TNRC6A: variants seen among roughly 807,000 people sequenced by gnomAD.
TNRC6A encodes the protein trinucleotide repeat containing adaptor 6A.
A neutral mutation model predicts 221.2 loss-of-function variants in TNRC6A; 44 were observed. The ratio of observed to expected loss-of-function variants is 0.20; its 90% CI spans 0.16 to 0.26. The LOEUF (loss-of-function observed/expected upper bound fraction) is 0.26, where lower values mean the gene tolerates loss of function less well. TNRC6A is among the 10% of genes least tolerant of loss of function. The pLI, the probability that TNRC6A is intolerant of heterozygous loss-of-function variation, is 1.00. For missense variants in TNRC6A, 2,199 were observed against 2,404.4 expected (o/e 0.91, Z 1.79); for synonymous variants, 847 against 838.5 (o/e 1.01, Z -0.18).
At chr16:24,822,731 G>GCAA (rs2152118682) in intron 23 of TNRC6A, 143 bp from the exon 24 acceptor site, 4 of 1,179,642 alleles carry the variant, frequency 3.4e-6, no homozygotes, top group Non-Finnish European at 4.7e-6. Flanking sequence ...CCCCGTCAGA[G>GCAA]CAACGTCAGA....
chr16:24,746,201 T>G (rs1408338960), intron 2 of TNRC6A, among the ~76,000 whole-genome samples: 3 of 152,170 alleles, frequency 2.0e-5, no homozygotes, highest in Non-Finnish European at 4.4e-5. Context: ...TGTTTGCTTG[T>G]TTTCTTATTT....
intron 2 of TNRC6A, among the ~76,000 whole-genome samples, chr16:24,668,765 A>G (rs548857560): frequency 5.3e-5 from 8 of 152,310 alleles, no homozygotes; most frequent in African/African-American, 1.9e-4. Flanking sequence ...ATGTCATTGA[A>G]TTACTCAGTG....
chr16:24,792,235 T>C (rs2058117980), intron 6 of TNRC6A, among the ~76,000 whole-genome samples: 1 of 152,158 alleles, frequency 6.6e-6, no homozygotes, highest in African/African-American at 2.4e-5. Flanking sequence ...TTTTTTTAAG[T>C]AGGTGAGAAA....
chr16:24,660,555 G>T (rs2055006225), intron 2 of TNRC6A, among the ~76,000 whole-genome samples: 2 of 151,766 alleles, frequency 1.3e-5, no homozygotes, highest in East Asian at 1.9e-4. Context: ...ATAAACATGC[G>T]TGTGCAAGTT....
intron 11 of TNRC6A, 193 bp downstream of exon 11, chr16:24,798,159 T>C (rs1567494586): frequency 2.4e-6 from 1 of 421,560 alleles, no homozygotes; most frequent in Non-Finnish European, 4.2e-6. Context: ...AGTGGTGATA[T>C]TAGTCTGATT....
At chr16:24,751,378 G>T (rs941851596) in intron 3 of TNRC6A, among the ~76,000 whole-genome samples, 1 of 152,046 alleles carries the variant, frequency 6.6e-6, no homozygotes, top group African/African-American at 2.4e-5. Context: ...AGTGTGCAGT[G>T]TACATTAGCC....
At chr16:24,675,678 CTCTCTCTCTCTCTCTCTCTCTCTCTA>C (rs2055396740) in intron 2 of TNRC6A, among the ~76,000 whole-genome samples, 1 of 75,750 alleles carries the variant, frequency 1.3e-5, no homozygotes, top group Non-Finnish European at 2.5e-5. Flanking sequence ...CTCTCTCTCT[CTCTCTCTCTCTCTCTCTCTCTCTCTA>C]TATATATATA....
intron 1 of TNRC6A, among the ~76,000 whole-genome samples, chr16:24,618,525 T>C (rs560143881): frequency 6.6e-6 from 1 of 152,048 alleles, no homozygotes; most frequent in Non-Finnish European, 1.5e-5. Context: ...ACAACAGCAG[T>C]GTGATTATAT....
At chr16:24,728,901 C>T (rs1160268141), upstream of TNRC6A, among the ~76,000 whole-genome samples, 1 of 151,870 alleles carries the variant, frequency 6.6e-6, no homozygotes, top group African/African-American at 2.4e-5. Flanking sequence ...TCCTCCATGC[C>T]GGGATTATTC....
chr16:24,825,048 T>C lies in TNRC6A; in HGVS notation c.*1241T>C, dbSNP rs1212555989. On this transcript the variant is annotated 3_prime_UTR_variant, in exon 25 of 25. Coordinates refer to ENST00000395799, the MANE Select transcript of TNRC6A (RefSeq NM_014494.4). ...TTCTGCTCTCTCGTGACTGTGTTAA[T>C]GTTTAACTGTTGTACCTTAAAGCCG... 1 of 152,660 alleles carries C rather than the reference T, an allele frequency of 6.6e-6. No homozygotes were observed. Among genetic ancestry groups the C allele is most frequent in the Non-Finnish European group, 1.5e-5 (1 of 68,048 alleles). The allele number at this position is 152,660 out of a possible 1,614,324, so 9.5% of individuals were successfully genotyped here. A position where few individuals can be genotyped will look rare whatever the true frequency, so the allele number is the denominator to read the frequency against.
At chr16:24,657,619 G>C (rs1005635247) in intron 2 of TNRC6A, among the ~76,000 whole-genome samples, 3 of 150,724 alleles carry the variant, frequency 2.0e-5, no homozygotes, top group African/African-American at 7.3e-5. Context: ...TGAGGCAGGA[G>C]AATCGTTTGA....
chr16:24,670,965 G>A (rs1209785260), intron 2 of TNRC6A: 5 of 404,374 alleles, frequency 1.2e-5, no homozygotes, highest in East Asian at 9.5e-5. Flanking sequence ...CCAGGCCATC[G>A]TAATTAGCAT....
At chr16:24,680,098 A>C (rs938967949) in intron 2 of TNRC6A, among the ~76,000 whole-genome samples, 1 of 152,054 alleles carries the variant, frequency 6.6e-6, no homozygotes, top group Non-Finnish European at 1.5e-5. Flanking sequence ...TTAAGAAGGA[A>C]TTAGCTTTTG....
intron 2 of TNRC6A, among the ~76,000 whole-genome samples, chr16:24,652,095 TAATTAA>T (rs913086878): frequency 5.3e-5 from 8 of 152,012 alleles, no homozygotes; most frequent in African/African-American, 1.7e-4. Context: ...ATTACTCATA[TAATTAA>T]AATTAATTTA....
At chr16:24,787,159 A>G (rs2057991791) in intron 5 of TNRC6A, among the ~76,000 whole-genome samples, 1 of 152,224 alleles carries the variant, frequency 6.6e-6, no homozygotes, top group Non-Finnish European at 1.5e-5. Flanking sequence ...ATTTGCAGCC[A>G]GCACTGAGCT....
intron 18 of TNRC6A, among the ~76,000 whole-genome samples, chr16:24,813,032 C>T (rs551171209): frequency 7.9e-5 from 12 of 151,926 alleles, no homozygotes; most frequent in African/African-American, 1.9e-4. Context: ...AGCACTGCCA[C>T]GCCTGGCTAG....
At chr16:24,706,447 C>T (rs1486656187) in intron 2 of TNRC6A, among the ~76,000 whole-genome samples, 2 of 152,096 alleles carry the variant, frequency 1.3e-5, no homozygotes, top group Non-Finnish European at 2.9e-5. Flanking sequence ...CGCAGTGGCT[C>T]ACGCCTATAA....
At position 24,822,094 on chromosome 16, in the gene TNRC6A, A is replaced by G; in HGVS notation, c.5320A>G (p.Ser1774Gly). The G allele has an allele frequency of 6.2e-7, 1 of 1,614,144 alleles. No homozygotes were observed. Among genetic ancestry groups the G allele is most frequent in the African/African-American group, 1.3e-5 (1 of 75,030 alleles). Residue 1774 changes from serine to glycine, a missense_variant, in exon 23 of 25, where the codon AGC becomes GGC. Ser to Gly is a moderately conservative substitution (Grantham distance 56, BLOSUM62 0). Around this residue, in one of 8 missense-constraint regions of TNRC6A, gnomAD observed 449 missense variants for 579.7 expected, o/e 0.77. Transcript: ENST00000395799. ...RYTPGSSWGE[S>G]SSGRITNWLV... ...TTGTTTAGGTTCCAGCTGGGGTGAG[A>G]GCAGCTCAGGGAGAATAACAAATTG...
At chr16:24,617,667 A>G (rs1251499991) in intron 1 of TNRC6A, among the ~76,000 whole-genome samples, 1 of 152,150 alleles carries the variant, frequency 6.6e-6, no homozygotes, top group Non-Finnish European at 1.5e-5. Flanking sequence ...CATTGCAGAG[A>G]TGAGGAAACT....
Sources: gnomAD v4.1 joint callset for allele counts (sites outside exome capture counted in the v4.1 genomes callset) on GRCh38, gnomAD v4.1.1 for gene constraint, gnomAD v4.1.1 regional missense constraint, MANE v1.5 for transcripts, NCBI Gene and HGNC (gene_info 2026-07-23, HGNC 2026-07-21) for gene names.